The following DBF4B variants were observed in gnomAD, a reference collection of about 807,000 sequenced individuals.
DBF4B encodes the protein DBF4B-CDC7 kinase regulatory subunit, also known as protein DBF4 homolog B.
In DBF4B, 49 loss-of-function variants were observed where a neutral mutation model predicts 53.4. That is an observed-to-expected ratio of 0.92 (90% CI 0.73 to 1.16). The LOEUF is 1.16. Among genes scored for constraint, DBF4B ranks in the 50% most tolerant of loss-of-function variants. DBF4B has a pLI of 0.00. For missense variants in DBF4B, 692 were observed against 775.0 expected, an observed-to-expected ratio of 0.89 and a Z score of 1.27; for synonymous variants, 257 against 288.7, an observed-to-expected ratio of 0.89 and a Z score of 1.11.
chr17:44,731,318 A>C (rs756594549), intron 5 of DBF4B: 13 of 330,452 alleles, frequency 3.9e-5, no homozygotes, highest in Non-Finnish European at 6.5e-5. Flanking sequence ...TTCTTTTACA[A>C]GTAACTCTAG....
chr17:44,729,896 T>C lies in DBF4B; in HGVS notation c.226-9T>C, dbSNP rs766076542. The C allele has an allele frequency of 2.5e-6, 4 of 1,610,616 alleles. No homozygotes were observed. In the Admixed American group the frequency reaches 6.7e-5, roughly 27 times the overall value. Reference sequence around the variant, plus strand: ...TTGGTTTTCAGCCACCTCTGTGATCTGGTTTCAGGTAATTGAGGGTTTTCT... The same window carrying C: ...TTGGTTTTCAGCCACCTCTGTGATCCGGTTTCAGGTAATTGAGGGTTTTCT... On this transcript the variant is annotated splice_polypyrimidine_tract_variant and intron_variant, in intron 3 of 13. Transcript: ENST00000315005.
chr17:44,751,624 C>G lies in DBF4B; in HGVS notation c.*371C>G, dbSNP rs915844847. On this transcript the variant is annotated 3_prime_UTR_variant, in exon 14 of 14. Transcript: ENST00000315005. ...CTCCTGGAAAACACTTGAGTTGATT[C>G]AGTAAATCGACTTCAAATACTTGAA... 2.6e-5 allele frequency: 36 copies of G among 1,366,854 alleles called. No individual in the cohort carries two copies. Among genetic ancestry groups the G allele is most frequent in the Admixed American group, 3.1e-5 (1 of 32,024 alleles). The allele number at this position is 1,366,854 out of a possible 1,614,324, so 84.7% of individuals were successfully genotyped here. A position where few individuals can be genotyped will look rare whatever the true frequency, so the allele number is the denominator to read the frequency against.
chr17:44,728,513 TG>T (rs1974550985), intron 3 of DBF4B, among the ~76,000 whole-genome samples: 1 of 152,170 alleles, frequency 6.6e-6, no homozygotes, highest in Non-Finnish European at 1.5e-5. Context: ...CATTTGCTTT[TG>T]CTGTATTAAA....
intron 2 of DBF4B, among the ~76,000 whole-genome samples, chr17:44,713,253 G>T (rs1973051908): frequency 6.7e-6 from 1 of 149,716 alleles, no homozygotes; most frequent in Non-Finnish European, 1.5e-5. Flanking sequence ...GTGTTAGCCT[G>T]TATGGTCTTC....
intron 10 of DBF4B, among the ~76,000 whole-genome samples, chr17:44,743,695 C>T (rs998977158): frequency 2.0e-5 from 3 of 150,762 alleles, no homozygotes; most frequent in Admixed American, 6.6e-5. Flanking sequence ...ACTGCAACCT[C>T]CGCCTCCCAG....
Position 44,732,399 on chromosome 17 carries a change from C to G in DBF4B, c.556+134C>G, listed in dbSNP as rs1974917389. ...AGAAATACTCAGCTGCCATGTTGAT[C>G]CACAAAGGTGGGAGGATGTGGGGAA... On this transcript the variant is annotated intron_variant, in intron 6 of 13. Transcript: ENST00000315005. 3.1e-6 allele frequency: 3 copies of G among 964,480 alleles called. No individual in the cohort carries two copies. In the East Asian group the frequency reaches 8.0e-5, roughly 26 times the overall value. 59.7% of individuals were successfully genotyped at this position (964,480 alleles called of 1,614,324 possible).
chr17:44,724,880 G>A (rs1044689706), intron 3 of DBF4B, among the ~76,000 whole-genome samples: 8 of 152,122 alleles, frequency 5.3e-5, no homozygotes, highest in African/African-American at 1.7e-4. Flanking sequence ...ACTTTGGGAG[G>A]CCCAGGTGGG....
intron 1 of DBF4B, chr17:44,709,077 G>A: frequency 2.6e-6 from 2 of 780,480 alleles, no homozygotes; most frequent in South Asian, 1.6e-5. Flanking sequence ...GACAGGAGGT[G>A]GCCAAGAGGT....
chr17:44,734,597 G>A (rs989826423), intron 7 of DBF4B, among the ~76,000 whole-genome samples: 2 of 152,220 alleles, frequency 1.3e-5, no homozygotes, highest in Non-Finnish European at 2.9e-5. Context: ...ATCCTTGTTT[G>A]TTTTCCATTC....
At chr17:44,723,826 T>G (rs958885558) in intron 3 of DBF4B, among the ~76,000 whole-genome samples, 4 of 151,986 alleles carry the variant, frequency 2.6e-5, no homozygotes, top group Admixed American at 1.3e-4. Context: ...TATTAGAAAC[T>G]TAGGCTGGGC....
intron 7 of DBF4B, among the ~76,000 whole-genome samples, 192 bp from the exon 8 acceptor site, chr17:44,736,638 C>A (rs997690486): frequency 1.3e-5 from 2 of 152,138 alleles, no homozygotes; most frequent in African/African-American, 4.8e-5. Context: ...CCCCCTTATT[C>A]ATCGTGTTGC....
At position 44,751,122 on chromosome 17, in the gene DBF4B, C is replaced by T; in HGVS notation, c.1717C>T (p.Pro573Ser). ...AGGACCCATTCCCCGAACCTCACAT[C>T]CGTGTACCCTTGCCTTCCCCTCCTA... is the stretch of plus-strand genomic sequence containing the variant. ...TAGPIPRTSHPCTLAFPSYLN... is the reference protein window; with the variant it reads ...TAGPIPRTSHSCTLAFPSYLN... Residue 573 changes from proline to serine, a missense_variant, in exon 14 of 14, where the codon CCG becomes TCG. Around this residue, in one of 3 missense-constraint regions of DBF4B, gnomAD observed 597 missense variants for 665.8 expected, o/e 0.90. Coordinates refer to ENST00000315005, the MANE Select transcript of DBF4B (RefSeq NM_145663.3). 6.2e-7 allele frequency: 1 copy of T among 1,614,120 alleles called. No homozygotes were observed. The highest frequency in any genetic ancestry group is 8.5e-7 in the Non-Finnish European group (1 of 1,179,984).
At chr17:44,719,151 G>A (rs1973599642) in intron 2 of DBF4B, 2 of 151,782 alleles carry the variant, frequency 1.3e-5, no homozygotes, top group South Asian at 4.2e-4. Context: ...ATTTTTAGTA[G>A]AGACAGGGTT....
intron 2 of DBF4B, among the ~76,000 whole-genome samples, chr17:44,709,945 G>C (rs1020430645): frequency 6.6e-6 from 1 of 151,668 alleles, no homozygotes; most frequent in African/African-American, 2.4e-5. Context: ...AGGCCAAGGC[G>C]GGCGGATCAC....
At chr17:44,747,836 T>C (rs1333544480) in intron 12 of DBF4B, among the ~76,000 whole-genome samples, 3 of 152,156 alleles carry the variant, frequency 2.0e-5, no homozygotes, top group Non-Finnish European at 4.4e-5. Flanking sequence ...CTCTCCTAGA[T>C]AGGTGAAAAG....
intron 2 of DBF4B, among the ~76,000 whole-genome samples, chr17:44,713,034 CTTTTTTTTT>C: frequency 9.6e-6 from 1 of 103,882 alleles, no homozygotes; most frequent in African/African-American, 4.1e-5. Context: ...TTTGTATTGA[CTTTTTTTTT>C]TTTTTTTTTT....
At chr17:44,709,259 A>T in intron 1 of DBF4B, 45 bp from the exon 2 acceptor site, 2 of 1,613,198 alleles carry the variant, frequency 1.2e-6, no homozygotes, top group Non-Finnish European at 1.7e-6. Context: ...TGGAAGTTCC[A>T]AGGGTTGGTG....
At chr17:44,726,815 G>C (rs185428313) in intron 3 of DBF4B, among the ~76,000 whole-genome samples, 1 of 151,882 alleles carries the variant, frequency 6.6e-6, no homozygotes, top group African/African-American at 2.4e-5. Flanking sequence ...AATATTTTTA[G>C]GGGCTAGGCA....
intron 9 of DBF4B, among the ~76,000 whole-genome samples, chr17:44,740,296 C>G (rs990569348): frequency 2.6e-5 from 4 of 152,194 alleles, no homozygotes; most frequent in African/African-American, 9.6e-5. Context: ...CCTGAGAACC[C>G]CTGGCTTGCA....
Sources: allele counts gnomAD v4.1 joint callset (sites outside exome capture counted in the v4.1 genomes callset), GRCh38; gene constraint gnomAD v4.1.1; regional missense constraint gnomAD v4.1.1; transcripts MANE v1.5; gene names NCBI Gene and HGNC (gene_info 2026-07-23, HGNC 2026-07-21).